Variants in DLG2 observed in about 807,000 individuals in gnomAD.
DLG2 encodes the protein disks large homolog 2.
Under a neutral mutation model 132.5 loss-of-function variants are expected in DLG2, and 45 were observed. The ratio of observed to expected loss-of-function variants is 0.34; its 90% CI spans 0.27 to 0.44. The LOEUF (loss-of-function observed/expected upper bound fraction) is 0.44. DLG2 is among the 20% of genes least tolerant of loss of function. The pLI is 1.00. For synonymous variants in DLG2, 424 were observed against 419.6 expected (o/e 1.01, Z -0.13); for missense variants, 1,045 against 1,196.9 (o/e 0.87, Z 1.87).
intron 19 of DLG2, among the ~76,000 whole-genome samples, chr11:83,620,789 G>A (rs917414549): frequency 7.4e-6 from 1 of 135,064 alleles, no homozygotes; most frequent in Non-Finnish European, 1.5e-5. Context: ...AGAATGGCGT[G>A]AACCCAGGAG....
At chr11:83,647,770 T>C (rs536089004) in intron 18 of DLG2, 3 of 152,208 alleles carry the variant, frequency 2.0e-5, no homozygotes, top group Admixed American at 6.5e-5. Context: ...TTTAGTGGAG[T>C]TTTGGAAGGG....
chr11:85,431,207 G>A (rs1033230472), intron 3 of DLG2, among the ~76,000 whole-genome samples: 1 of 152,144 alleles, frequency 6.6e-6, no homozygotes, highest in African/African-American at 2.4e-5. Context: ...ACCAGCAGCT[G>A]AGGTATCCAT....
intron 6 of DLG2, among the ~76,000 whole-genome samples, chr11:85,012,397 G>A (rs1241233263): frequency 1.3e-5 from 2 of 149,934 alleles, no homozygotes; most frequent in Non-Finnish European, 3.0e-5. Context: ...GGTGGTACAT[G>A]CCTGTAGTCC....
At chr11:85,353,670 G>A (rs1375822361) in intron 3 of DLG2, among the ~76,000 whole-genome samples, 1 of 152,158 alleles carries the variant, frequency 6.6e-6, no homozygotes, top group African/African-American at 2.4e-5. Flanking sequence ...AAAGAAGGAT[G>A]AGTTCATGTC....
intron 6 of DLG2, among the ~76,000 whole-genome samples, chr11:84,703,881 T>TATATATATATATATATATATATAA: frequency 8.1e-6 from 1 of 122,744 alleles, no homozygotes; most frequent in South Asian, 2.5e-4. Context: ...TATATATATA[T>TATATATATATATATATATATATAA]ATACACGTGT....
chr11:84,832,116 T>G (rs1289765235), intron 6 of DLG2, among the ~76,000 whole-genome samples: 2 of 151,732 alleles, frequency 1.3e-5, no homozygotes, highest in Non-Finnish European at 3.0e-5. Flanking sequence ...AATTCTGGAT[T>G]CTTCTTTTCT....
At chr11:84,604,651 C>T (rs1350689202) in intron 6 of DLG2, among the ~76,000 whole-genome samples, 2 of 151,824 alleles carry the variant, frequency 1.3e-5, no homozygotes, top group Non-Finnish European at 2.9e-5. Context: ...AAATGTATTG[C>T]TAAGTGCTAC....
At chr11:84,083,984 C>G (rs1266108072) in intron 10 of DLG2, among the ~76,000 whole-genome samples, 1 of 152,114 alleles carries the variant, frequency 6.6e-6, no homozygotes, top group African/African-American at 2.4e-5. Flanking sequence ...TCATTCACCC[C>G]AACAGACATA....
At chr11:83,905,018 TCATTC>T (rs2074370060) in intron 15 of DLG2, among the ~76,000 whole-genome samples, 2 of 152,200 alleles carry the variant, frequency 1.3e-5, no homozygotes, top group African/African-American at 4.8e-5. Context: ...TTCTTGACAT[TCATTC>T]CCTTGCTTAA....
rs374139691 is a variant in DLG2, at chr11:84,857,128, A to C, written c.357+254533T>G. On this transcript the variant is annotated intron_variant, in intron 6 of 27. Coordinates refer to ENST00000376104, the MANE Select transcript of DLG2 (RefSeq NM_001142699.3). ...CCAACTTTTCTGGGCAAAAACAGTTAGAGATACAGACAGGTTACAATGAAG... is the reference window on the plus strand; with the variant it reads ...CCAACTTTTCTGGGCAAAAACAGTTCGAGATACAGACAGGTTACAATGAAG... Among the ~76,000 whole-genome samples the C allele has an allele frequency of 5.3e-5, 8 of 151,924 alleles. No homozygotes were observed. The East Asian group carries it at 1.6e-3, about 30-fold the overall frequency.
intron 6 of DLG2, among the ~76,000 whole-genome samples, chr11:84,556,047 C>A (rs1239000934): frequency 6.6e-6 from 1 of 152,148 alleles, no homozygotes; most frequent in Non-Finnish European, 1.5e-5. Context: ...TTTTGCCCAC[C>A]CACACAACAT....
intron 6 of DLG2, among the ~76,000 whole-genome samples, chr11:84,940,414 A>G (rs1032004438): frequency 1.3e-5 from 2 of 152,190 alleles, no homozygotes; most frequent in African/African-American, 4.8e-5. Context: ...AGGCCTCCCA[A>G]AGTGCTGGGA....
intron 3 of DLG2, among the ~76,000 whole-genome samples, chr11:85,550,807 A>C (rs1396277484): frequency 2.0e-5 from 3 of 152,216 alleles, no homozygotes; most frequent in Non-Finnish European, 4.4e-5. Flanking sequence ...CTTTACTGTA[A>C]TTACTAAGAA....
intron 7 of DLG2, among the ~76,000 whole-genome samples, chr11:84,407,752 A>T (rs1357132669): frequency 1.3e-5 from 2 of 152,240 alleles, no homozygotes; most frequent in Admixed American, 6.5e-5. Flanking sequence ...ACTGAAACTC[A>T]AAAGGTAAAG....
chr11:83,882,525 G>A (rs1778010827), intron 15 of DLG2, among the ~76,000 whole-genome samples: 1 of 152,124 alleles, frequency 6.6e-6, no homozygotes, highest in Non-Finnish European at 1.5e-5. Flanking sequence ...TATATTAAAT[G>A]GCTTCACTCA....
intron 6 of DLG2, chr11:85,020,875 C>A: frequency 1.3e-6 from 1 of 764,486 alleles, no homozygotes. Flanking sequence ...AGTAGGTCCC[C>A]CTCCTCAGCA....
chr11:84,846,140 AT>A (rs2081444194), intron 6 of DLG2, among the ~76,000 whole-genome samples: 1 of 151,996 alleles, frequency 6.6e-6, no homozygotes, highest in Admixed American at 6.6e-5. Context: ...ATCCTCTTAA[AT>A]ATCATACATA....
At chr11:85,013,172 T>C (rs2059297208) in intron 6 of DLG2, among the ~76,000 whole-genome samples, 1 of 152,180 alleles carries the variant, frequency 6.6e-6, no homozygotes. Context: ...TATGAATCCT[T>C]CCCTTGAACC....
At chr11:84,066,546 G>A (rs1379126099) in intron 10 of DLG2, among the ~76,000 whole-genome samples, 1 of 152,142 alleles carries the variant, frequency 6.6e-6, no homozygotes, top group Non-Finnish European at 1.5e-5. Context: ...GATCACCTGA[G>A]GTCAGGAGTT....
Sources: gnomAD v4.1 joint callset for allele counts (sites outside exome capture counted in the v4.1 genomes callset) on GRCh38, gnomAD v4.1.1 for gene constraint, MANE v1.5 for transcripts, NCBI Gene and HGNC (gene_info 2026-07-23, HGNC 2026-07-21) for gene names.